Variants in RASSF8 observed in about 807,000 individuals in gnomAD.
RASSF8 encodes the protein Ras association domain family member 8, also known as ras association domain-containing protein 8.
A neutral mutation model predicts 48.5 loss-of-function variants in RASSF8; 22 were observed. The ratio of observed to expected loss-of-function variants is 0.45; its 90% CI spans 0.32 to 0.65. RASSF8 has a LOEUF of 0.65. Ranked by LOEUF, RASSF8 falls within the 30% of genes least tolerant of loss-of-function variation. The pLI is 0.03. For missense variants in RASSF8, 418 were observed against 489.2 expected (o/e 0.85, Z 1.37); for synonymous variants, 127 against 171.5 (o/e 0.74, Z 2.03).
At chr12:25,979,051 C>T (rs895319078) in intron 1 of RASSF8, among the ~76,000 whole-genome samples, 1 of 152,040 alleles carries the variant, frequency 6.6e-6, no homozygotes. Context: ...ATGGATATTA[C>T]CTAGAAGGCA....
At chr12:25,990,375 T>A (rs1208233045) in intron 1 of RASSF8, among the ~76,000 whole-genome samples, 1 of 152,228 alleles carries the variant, frequency 6.6e-6, no homozygotes, top group Non-Finnish European at 1.5e-5. Context: ...TCACAAGTAC[T>A]GTAGTTAGTG....
intron 2 of RASSF8, among the ~76,000 whole-genome samples, chr12:25,996,003 C>T (rs181136746): frequency 1.7e-4 from 26 of 152,330 alleles, no homozygotes; most frequent in African/African-American, 6.3e-4. Context: ...TTTAACTTCA[C>T]AGCCTTCTAA....
chr12:26,069,124 C>A lies in RASSF8; in HGVS notation c.*306C>A. ...TATATAGTGTGTATACATAAATAAG[C>A]CGTGACTTAAGTAAGAGTGAAGAGA... On this transcript the variant is annotated 3_prime_UTR_variant, in exon 6 of 6. Coordinates refer to ENST00000689635, the MANE Select transcript of RASSF8 (RefSeq NM_001394098.1). 4.0e-6 allele frequency: 4 copies of A among 999,170 alleles called. No individual in the cohort carries two copies. The highest frequency in any genetic ancestry group is 4.6e-5 in the South Asian group (1 of 21,754). 61.9% of individuals were successfully genotyped at this position (999,170 alleles called of 1,614,324 possible).
intron 2 of RASSF8, among the ~76,000 whole-genome samples, chr12:26,023,836 A>G (rs959442453): frequency 1.3e-5 from 2 of 152,244 alleles, no homozygotes; most frequent in Non-Finnish European, 2.9e-5. Flanking sequence ...AATATATTTC[A>G]TAACACCAAC....
At chr12:26,055,876 T>C (rs1250633304) in intron 3 of RASSF8, among the ~76,000 whole-genome samples, 3 of 152,202 alleles carry the variant, frequency 2.0e-5, no homozygotes, top group African/African-American at 7.2e-5. Flanking sequence ...ACTGGAAAGA[T>C]AATGTATACT....
In RASSF8 at chr12:25,958,833, C is replaced by T. The variant is rs1194158987; in HGVS notation, c.-518C>T. On this transcript the variant is annotated 5_prime_UTR_variant, in exon 1 of 6. Coordinates refer to ENST00000689635, the MANE Select transcript of RASSF8 (RefSeq NM_001394098.1). ...CTCGCCGAGCCTCGCCCTTCCCGCC[C>T]GCGGCGGCGTTGGCGCTGGGGGCGG... is the stretch of plus-strand genomic sequence containing the variant. The T allele has an allele frequency of 6.8e-6, 1 of 147,052 alleles. No individual in the cohort carries two copies. Among genetic ancestry groups the T allele is most frequent in the Non-Finnish European group, 1.5e-5 (1 of 66,044 alleles). 9.1% of individuals were successfully genotyped at this position (147,052 alleles called of 1,614,324 possible).
At chr12:26,055,518 A>T (rs1346781014) in intron 3 of RASSF8, 72 bp downstream of exon 3, 2 of 1,271,504 alleles carry the variant, frequency 1.6e-6, no homozygotes, top group African/African-American at 2.9e-5. Flanking sequence ...TGTTTTAAAT[A>T]TAGATTTCTA....
At chr12:26,044,579 C>T (rs566455137) in intron 2 of RASSF8, among the ~76,000 whole-genome samples, 1 of 151,884 alleles carries the variant, frequency 6.6e-6, no homozygotes, top group African/African-American at 2.4e-5. Context: ...ATGTCACATT[C>T]ATCTACACCT....
chr12:26,069,050 C>G lies in RASSF8; in HGVS notation c.*232C>G. 3 of 1,192,054 alleles carry G rather than the reference C, an allele frequency of 2.5e-6. No homozygotes were observed. The highest frequency in any genetic ancestry group is 3.5e-4 in the Middle Eastern group (1 of 2,836). 73.8% of individuals were successfully genotyped at this position (1,192,054 alleles called of 1,614,324 possible). ...ATATTTTTGTCCAGCAGCTATAATG[C>G]AAAGCCTTCGTTTTTATTTGTAGCA... is the stretch of plus-strand genomic sequence containing the variant. On this transcript the variant is annotated 3_prime_UTR_variant, in exon 6 of 6. Transcript: ENST00000689635.
In RASSF8 at chr12:26,002,586, C is replaced by T. The variant is rs546606754; in HGVS notation, c.-109+7456C>T. ...GTCAGGAGTTTGAGACCAGCCTGAC[C>T]AACATGGTGAAACCCCTTCCTACTA... On this transcript the variant is annotated intron_variant, in intron 2 of 5. Coordinates refer to ENST00000689635, the MANE Select transcript of RASSF8 (RefSeq NM_001394098.1). Among the ~76,000 whole-genome samples the T allele has an allele frequency of 5.9e-5, 9 of 152,262 alleles. No individual in the cohort carries two copies. In the East Asian group the frequency reaches 1.7e-3, roughly 29 times the overall value.
chr12:25,991,180 A>G (rs1481321841), intron 1 of RASSF8, among the ~76,000 whole-genome samples: 1 of 151,958 alleles, frequency 6.6e-6, no homozygotes, highest in Non-Finnish European at 1.5e-5. Context: ...AAGGGTTTGC[A>G]TTCTTCTGTT....
chr12:25,959,533 G>A (rs1362220781), intron 1 of RASSF8: 2 of 152,330 alleles, frequency 1.3e-5, no homozygotes, highest in African/African-American at 4.8e-5. Context: ...CTTGCCGGGT[G>A]GCGGTTTGGT....
At chr12:26,056,702 T>TA (rs1943610181) in intron 3 of RASSF8, among the ~76,000 whole-genome samples, 1 of 152,250 alleles carries the variant, frequency 6.6e-6, no homozygotes, top group Non-Finnish European at 1.5e-5. Context: ...GATTTTTCCT[T>TA]AAACACTATT....
At position 26,069,262 on chromosome 12, in the gene RASSF8, T is replaced by A; in HGVS notation, c.*444T>A. The A allele has an allele frequency of 2.0e-6, 2 of 986,744 alleles. No individual in the cohort carries two copies. Among genetic ancestry groups the A allele is most frequent in the Non-Finnish European group, 2.4e-6 (2 of 829,704 alleles). 61.1% of individuals were successfully genotyped at this position (986,744 alleles called of 1,614,324 possible). Reference sequence around the variant, plus strand: ...CTGACTTACGTTACATATTGTGTGATTATGACCGTGTGCATGTTGCCAGAC... The same window carrying A: ...CTGACTTACGTTACATATTGTGTGAATATGACCGTGTGCATGTTGCCAGAC... On this transcript the variant is annotated 3_prime_UTR_variant, in exon 6 of 6. Transcript: ENST00000689635.
At chr12:25,969,397 A>T (rs1022355000) in intron 1 of RASSF8, among the ~76,000 whole-genome samples, 1 of 152,182 alleles carries the variant, frequency 6.6e-6, no homozygotes, top group East Asian at 1.9e-4. Context: ...TAGAAGAGTT[A>T]ATATTTGTGA....
downstream of RASSF8, among the ~76,000 whole-genome samples, chr12:26,073,792 T>TATATA (rs1555171945): frequency 1.4e-5 from 2 of 139,748 alleles, no homozygotes; most frequent in East Asian, 2.0e-4. Context: ...TATATACACA[T>TATATA]TATGTATACA....
chr12:25,978,552 A>G (rs183037062), intron 1 of RASSF8, among the ~76,000 whole-genome samples: 3 of 152,352 alleles, frequency 2.0e-5, no homozygotes, highest in Admixed American at 1.3e-4. Context: ...GTTTTTGCCA[A>G]ACTAGGTCCT....
intron 2 of RASSF8, among the ~76,000 whole-genome samples, chr12:26,048,522 C>T (rs1156712932): frequency 6.6e-6 from 1 of 152,088 alleles, no homozygotes; most frequent in East Asian, 1.9e-4. Context: ...AGAGATTGGG[C>T]CCATCAGGAA....
downstream of RASSF8, among the ~76,000 whole-genome samples, chr12:26,074,657 A>G (rs960382182): frequency 3.3e-5 from 5 of 151,988 alleles, no homozygotes; most frequent in Non-Finnish European, 5.9e-5. Context: ...TACAGTCTTG[A>G]TGATAGAGAT....
Sources: gnomAD v4.1 joint callset for allele counts (sites outside exome capture counted in the v4.1 genomes callset) on GRCh38, gnomAD v4.1.1 for gene constraint, MANE v1.5 for transcripts, NCBI Gene and HGNC (gene_info 2026-07-23, HGNC 2026-07-21) for gene names.